The following UNC13C variants were observed in gnomAD, a reference collection of about 807,000 sequenced individuals.
UNC13C encodes the protein unc-13 homolog C.
In UNC13C, 174 loss-of-function variants were observed where a neutral mutation model predicts 245.4. The ratio of observed to expected loss-of-function variants is 0.71; its 90% CI spans 0.63 to 0.80. UNC13C has a LOEUF of 0.80. UNC13C is among the 30% of genes least tolerant of loss of function. UNC13C has a pLI of 0.00. For missense variants in UNC13C, 2,829 were observed against 2,602.9 expected (o/e 1.09, Z -1.89); for synonymous variants, 992 against 895.1 (o/e 1.11, Z -1.93).
intron 17 of UNC13C, 66 bp from the exon 18 acceptor site, chr15:54,392,976 TTGACAG>T (rs2039989611): frequency 7.1e-7 from 1 of 1,403,870 alleles, no homozygotes; most frequent in Non-Finnish European, 9.4e-7. Flanking sequence ...GATCTTCTAT[TTGACAG>T]TGACATCTAA....
chr15:53,979,107 G>A (rs748367887), intron 1 of UNC13C, among the ~76,000 whole-genome samples, 180 bp downstream of exon 1: 2 of 150,790 alleles, frequency 1.3e-5, no homozygotes, highest in Non-Finnish European at 3.0e-5. Context: ...ATTCTATGGA[G>A]CATCATGACT....
intron 24 of UNC13C, chr15:54,512,424 A>G (rs747784030): frequency 1.5e-5 from 7 of 454,898 alleles, no homozygotes; most frequent in Non-Finnish European, 3.1e-5. Context: ...GTTCCCTCCA[A>G]CCCTCACTCC....
intron 2 of UNC13C, among the ~76,000 whole-genome samples, chr15:54,030,075 G>C (rs911935283): frequency 4.6e-5 from 7 of 152,124 alleles, no homozygotes; most frequent in African/African-American, 1.4e-4. Context: ...TGCTGCTGCA[G>C]CAGCGGCAGC....
At chr15:54,527,300 T>G (rs1315585695) in intron 25 of UNC13C, among the ~76,000 whole-genome samples, 1 of 152,162 alleles carries the variant, frequency 6.6e-6, no homozygotes, top group African/African-American at 2.4e-5. Context: ...CTCTTTGTTC[T>G]AGTTGCAAAT....
At chr15:54,346,113 A>G (rs1329561899) in intron 17 of UNC13C, among the ~76,000 whole-genome samples, 2 of 152,162 alleles carry the variant, frequency 1.3e-5, no homozygotes, top group Non-Finnish European at 2.9e-5. Context: ...GCATCATGTG[A>G]TATCAGTTAG....
chr15:54,001,658 A>G (rs1378632942), intron 1 of UNC13C, among the ~76,000 whole-genome samples: 25 of 152,214 alleles, frequency 1.6e-4, no homozygotes, highest in Admixed American at 1.6e-3. Context: ...TGTTGTGGGC[A>G]CTTCTCTAAT....
At chr15:54,471,095 C>A (rs577530720) in intron 19 of UNC13C, among the ~76,000 whole-genome samples, 1 of 151,496 alleles carries the variant, frequency 6.6e-6, no homozygotes, top group Non-Finnish European at 1.5e-5. Flanking sequence ...TTGATCTTCT[C>A]AAATTTGTTA....
At chr15:54,259,339 A>C (rs1596099925) in intron 8 of UNC13C, among the ~76,000 whole-genome samples, 1 of 152,358 alleles carries the variant, frequency 6.6e-6, no homozygotes, top group Non-Finnish European at 1.5e-5. Context: ...AAGACAGGGT[A>C]ATTTATAAAG....
At chr15:53,978,965 G>C (rs925747705) in intron 1 of UNC13C, among the ~76,000 whole-genome samples, 38 bp downstream of exon 1, 3 of 152,104 alleles carry the variant, frequency 2.0e-5, no homozygotes, top group African/African-American at 7.2e-5. Context: ...TGCTTCATCT[G>C]CATGCGATTT....
the UNC13C span, among the ~76,000 whole-genome samples, chr15:53,842,783 A>G: frequency 4.6e-5 from 7 of 151,918 alleles, no homozygotes; most frequent in Admixed American, 3.9e-4. Context: ...CTTTCCTCAA[A>G]CTATAGTAGC....
At chr15:54,474,887 A>C (rs770305279) in intron 19 of UNC13C, among the ~76,000 whole-genome samples, 4 of 152,022 alleles carry the variant, frequency 2.6e-5, no homozygotes, top group Non-Finnish European at 4.4e-5. Context: ...AGAGAGGAGA[A>C]AAGAGAGAGG....
chr15:54,096,186 T>C (rs566887771), intron 2 of UNC13C, among the ~76,000 whole-genome samples: 1 of 152,256 alleles, frequency 6.6e-6, no homozygotes, highest in Non-Finnish European at 1.5e-5. Flanking sequence ...GCTGCTGCTG[T>C]TGAGTGACAG....
At chr15:53,977,047 G>T (rs1015367246), upstream of UNC13C, 1 of 152,186 alleles carries the variant, frequency 6.6e-6, no homozygotes, top group Non-Finnish European at 1.5e-5. Flanking sequence ...TGCCACTCCC[G>T]TGATGAGTGA....
intron 25 of UNC13C, among the ~76,000 whole-genome samples, chr15:54,525,983 A>G (rs1038956036): frequency 3.3e-5 from 5 of 152,184 alleles, no homozygotes; most frequent in Admixed American, 6.5e-5. Context: ...TTGAAAGACT[A>G]AAGACAGGGA....
At chr15:54,487,263 T>C (rs917021314) in intron 19 of UNC13C, among the ~76,000 whole-genome samples, 2 of 152,188 alleles carry the variant, frequency 1.3e-5, no homozygotes, top group African/African-American at 4.8e-5. Context: ...CAACTGCTAC[T>C]CCTCTCAAGA....
chr15:54,597,117 C>T lies in UNC13C; in HGVS notation c.6107-25210C>T, dbSNP rs140749426. Among the ~76,000 whole-genome samples, 1,478 of 152,242 alleles carry T rather than the reference C, an allele frequency of 9.7e-3. 24 individuals carry two copies. The highest frequency in any genetic ancestry group is 0.034 in the African/African-American group (1,432 of 41,532). ...GTGCACAACCCAGATCCCTCACATGCGCAATTCACAATAGGGTTCATGTTC... is the reference window on the plus strand; with the variant it reads ...GTGCACAACCCAGATCCCTCACATGTGCAATTCACAATAGGGTTCATGTTC... On this transcript the variant is annotated intron_variant, in intron 30 of 32. Transcript: ENST00000260323.
At chr15:53,922,701 ATTGAC>A in the UNC13C span, among the ~76,000 whole-genome samples, 1 of 152,208 alleles carries the variant, frequency 6.6e-6, no homozygotes, top group Admixed American at 6.5e-5. Flanking sequence ...ACCATAAACT[ATTGAC>A]TTACATCAAC....
At chr15:53,930,256 C>T in the UNC13C span, among the ~76,000 whole-genome samples, 1 of 152,164 alleles carries the variant, frequency 6.6e-6, no homozygotes, top group South Asian at 2.1e-4. Flanking sequence ...GTTGAGCTCC[C>T]AGAGAGCAGG....
chr15:54,394,349 T>C (rs2040026644), intron 18 of UNC13C, among the ~76,000 whole-genome samples: 1 of 151,764 alleles, frequency 6.6e-6, no homozygotes, highest in Non-Finnish European at 1.5e-5. Flanking sequence ...ACCTAATTCT[T>C]ATATCTGCCT....
Sources: allele counts gnomAD v4.1 joint callset (sites outside exome capture counted in the v4.1 genomes callset), GRCh38; gene constraint gnomAD v4.1.1; transcripts MANE v1.5; gene names NCBI Gene and HGNC (gene_info 2026-07-23, HGNC 2026-07-21).